The following NUP214 variants were observed in gnomAD, a reference collection of about 807,000 sequenced individuals.
The protein encoded by NUP214 is nucleoporin 214, also known as nuclear pore complex protein Nup214.
A neutral mutation model predicts 196.2 loss-of-function variants in NUP214; 79 were observed. The ratio of observed to expected loss-of-function variants is 0.40; its 90% CI spans 0.34 to 0.49. The LOEUF is 0.49. Ranked by LOEUF, NUP214 falls within the 20% of genes least tolerant of loss-of-function variation. The probability of loss-of-function intolerance (pLI) is 0.58; values close to 1 mark genes in which losing one functional copy is unlikely to be tolerated. For missense variants in NUP214, 2,468 were observed against 2,539.0 expected (o/e 0.97, Z 0.60); for synonymous variants, 1,020 against 990.5 (o/e 1.03, Z -0.56).
intron 31 of NUP214, among the ~76,000 whole-genome samples, chr9:131,221,834 C>T (rs1192517339): frequency 1.3e-5 from 2 of 151,664 alleles, no homozygotes; most frequent in African/African-American, 4.8e-5. Context: ...CCTTCCCTTC[C>T]CACCAACGCC....
At chr9:131,227,779 C>T (rs913238647) in intron 32 of NUP214, among the ~76,000 whole-genome samples, 2 of 152,044 alleles carry the variant, frequency 1.3e-5, no homozygotes, top group African/African-American at 4.8e-5. Flanking sequence ...TTTTTCACTC[C>T]AAACAGCTCA....
intron 7 of NUP214, among the ~76,000 whole-genome samples, chr9:131,134,092 A>T (rs934434923): frequency 1.3e-5 from 2 of 152,158 alleles, no homozygotes; most frequent in African/African-American, 2.4e-5. Context: ...GACCACAGGC[A>T]TGCACCAACA....
intron 3 of NUP214, 88 bp from the exon 4 acceptor site, chr9:131,129,191 G>T: frequency 1.9e-6 from 2 of 1,068,428 alleles, no homozygotes; most frequent in South Asian, 1.4e-5. Context: ...GAGATACCTT[G>T]TGTATTCAGT....
At chr9:131,222,740 G>T (rs774738944) in intron 31 of NUP214, 38 bp from the exon 32 acceptor site, 7 of 1,592,388 alleles carry the variant, frequency 4.4e-6, no homozygotes, top group Non-Finnish European at 6.0e-6. Flanking sequence ...AAGGACATTT[G>T]TCTCCCTCTG....
At chr9:131,154,840 T>TGTGTGCGC (rs1554730830) in intron 17 of NUP214, among the ~76,000 whole-genome samples, 1 of 151,254 alleles carries the variant, frequency 6.6e-6, no homozygotes, top group East Asian at 1.9e-4. Context: ...TGTGTGTGTG[T>TGTGTGCGC]GTGCGCACGC....
At chr9:131,193,646 T>TTTTTTTTTTTTTTTTTTTTTTTG (rs1833685684) in intron 27 of NUP214, among the ~76,000 whole-genome samples, 1 of 108,474 alleles carries the variant, frequency 9.2e-6, no homozygotes, top group Non-Finnish European at 1.9e-5. Context: ...TTTTTTTTTT[T>TTTTTTTTTTTTTTTTTTTTTTTG]TTTTTTTTTT....
chr9:131,133,005 T>A, intron 6 of NUP214, 101 bp from the exon 7 acceptor site: 2 of 752,896 alleles, frequency 2.7e-6, no homozygotes. Flanking sequence ...GGGCCTTTGA[T>A]TTTTTTTTTA....
At chr9:131,169,236 G>C (rs548688514) in intron 21 of NUP214, among the ~76,000 whole-genome samples, 2 of 151,842 alleles carry the variant, frequency 1.3e-5, no homozygotes, top group East Asian at 3.9e-4. Context: ...GGGTTTCACC[G>C]TGTTGGCCAG....
At chr9:131,132,211 C>T (rs1317464881) in intron 5 of NUP214, among the ~76,000 whole-genome samples, 2 of 150,204 alleles carry the variant, frequency 1.3e-5, no homozygotes, top group Non-Finnish European at 3.0e-5. Flanking sequence ...CCTATGCCTC[C>T]TGGGTTCAAG....
intron 31 of NUP214, 114 bp downstream of exon 31, chr9:131,215,482 C>T: frequency 2.6e-6 from 3 of 1,165,482 alleles, no homozygotes; most frequent in Non-Finnish European, 3.5e-6. Flanking sequence ...CTAGAAGGCT[C>T]ATTTAAAATA....
intron 24 of NUP214, among the ~76,000 whole-genome samples, chr9:131,184,250 CA>C (rs1564198962): frequency 1.3e-5 from 2 of 151,314 alleles, no homozygotes; most frequent in Non-Finnish European, 2.9e-5. Context: ...CGGCTGATTT[CA>C]AATTCCTGAC....
Position 131,125,712 on chromosome 9 carries a change from A to C in NUP214, c.8A>C (p.Asp3Ala). 6.4e-7 allele frequency: 1 copy of C among 1,552,144 alleles called. No individual in the cohort carries two copies. Among genetic ancestry groups the C allele is most frequent in the Non-Finnish European group, 8.7e-7 (1 of 1,147,424 alleles). ...CACACTGAGGGCGGCGCGATGGGAG[A>C]CGAGATGGATGCCATGATTCCCGAG... MGDEMDAMIPERE... is the reference protein window; with the variant it reads MGAEMDAMIPERE... Residue 3 changes from aspartate to alanine, a missense_variant, in exon 1 of 36, where the codon GAC (aspartate) becomes GCC (alanine). Transcript: ENST00000359428. This position sits in a 1 kb window ranked among gnomAD's most constrained non-coding sequence, Gnocchi z 4.1.
chr9:131,164,619 C>T (rs1832732523), intron 21 of NUP214: 1 of 153,410 alleles, frequency 6.5e-6, no homozygotes, highest in Non-Finnish European at 1.5e-5. Context: ...TGTTCTCAAA[C>T]TCCTGGGTTC....
intron 1 of NUP214, among the ~76,000 whole-genome samples, chr9:131,126,814 T>G (rs941236085): frequency 6.6e-6 from 1 of 152,118 alleles, no homozygotes; most frequent in East Asian, 1.9e-4. Flanking sequence ...GCTCCCAAAG[T>G]GCTGGGATTA....
In NUP214 at chr9:131,234,133, G is replaced by A. The variant is rs1588186845; in HGVS notation, c.*646G>A. On this transcript the variant is annotated 3_prime_UTR_variant, in exon 36 of 36. Transcript: ENST00000359428. ...GCAGGACAGTGCTGCGCCTTAGCCG[G>A]CCTTGGCTCTCATCTCCATGTGGCT... 8.6e-6 allele frequency: 2 copies of A among 233,430 alleles called. No individual in the cohort carries two copies. The highest frequency in any genetic ancestry group is 1.7e-5 in the Non-Finnish European group (2 of 118,290). The allele number at this position is 233,430 out of a possible 1,614,324, so 14.5% of individuals were successfully genotyped here. A position where few individuals can be genotyped will look rare whatever the true frequency, so the allele number is the denominator to read the frequency against.
intron 14 of NUP214, among the ~76,000 whole-genome samples, chr9:131,148,856 T>A (rs1832163996): frequency 6.6e-6 from 1 of 152,196 alleles, no homozygotes; most frequent in African/African-American, 2.4e-5. Context: ...GTCTTTTTTG[T>A]TTCTTTGATG....
At chr9:131,169,154 T>G (rs1832882148) in intron 21 of NUP214, among the ~76,000 whole-genome samples, 1 of 151,792 alleles carries the variant, frequency 6.6e-6, no homozygotes, top group African/African-American at 2.4e-5. Context: ...TGCCTCAGCT[T>G]CTTAAGTAGC....
Position 131,159,369 on chromosome 9 carries a change from T to C in NUP214, c.2437-14T>C. ...GAAAAACAAGTTATTTGCCTTTTAA[T>C]TTTTTTCTTATAGGAAATTCGGCGC... On this transcript the variant is annotated splice_polypyrimidine_tract_variant and intron_variant, in intron 17 of 35. Transcript: ENST00000359428. 2 of 1,602,350 alleles carry C rather than the reference T, an allele frequency of 1.2e-6. No individual in the cohort carries two copies. Among genetic ancestry groups the C allele is most frequent in the Non-Finnish European group, 1.7e-6 (2 of 1,172,738 alleles).
rs145581509 is a variant in NUP214, at chr9:131,179,446, C to T, written c.3419+1036C>T. 1.3e-3 allele frequency among the ~76,000 whole-genome samples: 204 copies of T among 152,304 alleles called. 1 individual carries two copies. Among genetic ancestry groups the T allele is most frequent in the Middle Eastern group, 6.8e-3 (2 of 294 alleles). On this transcript the variant is annotated intron_variant, in intron 24 of 35. Transcript: ENST00000359428. ...ACTGTGATCCCTTTAGACCAACCAC[C>T]ATCCCCTGTGGCAAAGGGAAGAGTT...
Sources: gnomAD v4.1 joint callset for allele counts (sites outside exome capture counted in the v4.1 genomes callset) on GRCh38, gnomAD v4.1.1 for gene constraint, Gnocchi (gnomAD v3.1) non-coding constraint, MANE v1.5 for transcripts, NCBI Gene and HGNC (gene_info 2026-07-23, HGNC 2026-07-21) for gene names.